Variants in DOCK1 observed in about 807,000 individuals in gnomAD.
DOCK1 encodes the protein dedicator of cytokinesis protein 1.
In DOCK1, 138 loss-of-function variants were observed where a neutral mutation model predicts 262.7. The ratio of observed to expected loss-of-function variants is 0.53; its 90% CI spans 0.46 to 0.61. DOCK1 has a LOEUF of 0.61. Among genes scored for constraint, DOCK1 ranks in the 20% least tolerant of loss-of-function variants. The pLI, the probability that DOCK1 is intolerant of heterozygous loss-of-function variation, is 0.00. For synonymous variants in DOCK1, 866 were observed against 867.4 expected, an observed-to-expected ratio of 1.00 and a Z score of 0.03; for missense variants, 1,908 against 2,370.7, an observed-to-expected ratio of 0.80 and a Z score of 4.05.
intron 30 of DOCK1, among the ~76,000 whole-genome samples, chr10:127,339,733 G>GTGTGTGTGTGTGTGTGCA (rs71032552): frequency 0.037 from 3,993 of 108,702 alleles, 213 homozygotes; most frequent in East Asian, 0.068. Flanking sequence ...GTGTGTGTGT[G>GTGTGTGTGTGTGTGTGCA]TGCATGCTGT....
At chr10:127,130,273 T>A (rs1780111) in intron 27 of DOCK1, among the ~76,000 whole-genome samples, 124,335 of 151,364 alleles carry the variant, frequency 0.82, 51,741 homozygotes, top group East Asian at 0.94. Flanking sequence ...TTTAGTACAG[T>A]TGGGGTTTCA....
chr10:127,019,851 A>G (rs1196018653), intron 13 of DOCK1, among the ~76,000 whole-genome samples: 1 of 152,204 alleles, frequency 6.6e-6, no homozygotes, highest in African/African-American at 2.4e-5. Flanking sequence ...TCGCTCAGCT[A>G]ATGAGCCGTG....
rs543014925 is a variant in DOCK1 at position 127,211,926 on chromosome 10, G to A, written c.2848-36082G>A. Among the ~76,000 whole-genome samples the A allele has an allele frequency of 1.3e-4, 20 of 152,278 alleles. No individual in the cohort carries two copies. In the East Asian group the frequency reaches 3.1e-3, roughly 24 times the overall value. ...ATGTTCCGAAAGCTCTGCAGAGTGC[G>A]CCAATATTCCAGAGTTTCAAAGTAG... On this transcript the variant is annotated intron_variant, in intron 27 of 51. Coordinates refer to ENST00000623213, the MANE Select transcript of DOCK1 (RefSeq NM_001290223.2).
At chr10:127,251,552 C>T (rs1264595530) in intron 28 of DOCK1, among the ~76,000 whole-genome samples, 3 of 116,122 alleles carry the variant, frequency 2.6e-5, no homozygotes, top group Admixed American at 1.2e-4. Flanking sequence ...CCACAAGAGA[C>T]CCCAGAGTGT....
At chr10:127,349,118 C>T (rs1373306571) in intron 31 of DOCK1, among the ~76,000 whole-genome samples, 1 of 152,032 alleles carries the variant, frequency 6.6e-6, no homozygotes, top group Non-Finnish European at 1.5e-5. Flanking sequence ...ACCAGTCTTT[C>T]CCATGAAGTT....
At chr10:127,035,941 G>GC (rs1270133814) in intron 18 of DOCK1, among the ~76,000 whole-genome samples, 1 of 151,798 alleles carries the variant, frequency 6.6e-6, no homozygotes, top group Non-Finnish European at 1.5e-5. Context: ...GTTAGAGGCT[G>GC]CATTGAGCTG....
At chr10:127,364,552 G>A (rs1300776367) in intron 33 of DOCK1, among the ~76,000 whole-genome samples, 1 of 152,094 alleles carries the variant, frequency 6.6e-6, no homozygotes, top group Non-Finnish European at 1.5e-5. Flanking sequence ...TTTTAGTAGA[G>A]ACGGTGTTTC....
chr10:127,072,277 T>A (rs1427099939), intron 23 of DOCK1, among the ~76,000 whole-genome samples: 2 of 152,174 alleles, frequency 1.3e-5, no homozygotes, highest in Admixed American at 6.5e-5. Flanking sequence ...CATTCTCCTG[T>A]GTGCCAGGCA....
In DOCK1 at chr10:127,428,705, G is replaced by T. The variant is rs185243993; in HGVS notation, c.4914+2694G>T. 2.4e-3 allele frequency among the ~76,000 whole-genome samples: 332 copies of T among 138,628 alleles called. 2 individuals carry two copies. Among genetic ancestry groups the T allele is most frequent in the African/African-American group, 8.4e-3 (307 of 36,610 alleles). 90.9% of individuals were successfully genotyped at this position (138,628 alleles called of 152,430 possible). On this transcript the variant is annotated intron_variant, in intron 47 of 51. Transcript: ENST00000623213. Reference sequence around the variant, plus strand: ...ACCGTGTGGATTGTGGTGCTGTGTGGACTGTGTCATGTGGATTGTGGTGTC... The same window carrying T: ...ACCGTGTGGATTGTGGTGCTGTGTGTACTGTGTCATGTGGATTGTGGTGTC...
intron 18 of DOCK1, among the ~76,000 whole-genome samples, chr10:127,036,531 G>C (rs1204233789): frequency 6.6e-6 from 1 of 151,974 alleles, no homozygotes; most frequent in Admixed American, 6.6e-5. Context: ...TTCTGTAGCT[G>C]AAGTTGGTTC....
intron 27 of DOCK1, among the ~76,000 whole-genome samples, chr10:127,238,295 T>A (rs1180196964): frequency 2.0e-5 from 3 of 152,200 alleles, no homozygotes; most frequent in African/African-American, 7.2e-5. Context: ...ACTTAAGTGA[T>A]CCTGTGTGCT....
intron 31 of DOCK1, 81 bp from the exon 32 acceptor site, chr10:127,354,588 A>G: frequency 6.4e-7 from 1 of 1,553,250 alleles, no homozygotes; most frequent in Non-Finnish European, 8.8e-7. Flanking sequence ...GAAGGCTTTA[A>G]TTGCACTTAA....
At chr10:127,086,491 G>A (rs2047208048) in intron 23 of DOCK1, among the ~76,000 whole-genome samples, 1 of 152,130 alleles carries the variant, frequency 6.6e-6, no homozygotes, top group African/African-American at 2.4e-5. Flanking sequence ...GCATTTTCTT[G>A]CTGGCATGAA....
chr10:127,412,123 C>T (rs1245737091), intron 43 of DOCK1, among the ~76,000 whole-genome samples: 3 of 151,824 alleles, frequency 2.0e-5, no homozygotes, highest in Middle Eastern at 3.4e-3. Flanking sequence ...CCACTACGCC[C>T]GGCTAATTTT....
In DOCK1 at chr10:126,906,227, G is replaced by C. The variant is rs954580712; in HGVS notation, c.46+664G>C. Among the ~76,000 whole-genome samples, 5 of 152,208 alleles carry C rather than the reference G, an allele frequency of 3.3e-5. 1 individual carries two copies. In the South Asian group the frequency reaches 8.3e-4, roughly 25 times the overall value. On this transcript the variant is annotated intron_variant, in intron 1 of 51. Transcript: ENST00000623213. The stretch of plus-strand genomic sequence containing the variant: ...GAGCGGGGGCCTGTTTTTGCTCCGC[G>C]GCTCTTTGTCGCTTCCGAGGGGGGA...
chr10:126,987,701 T>A, intron 5 of DOCK1, 84 bp downstream of exon 5: 1 of 1,235,248 alleles, frequency 8.1e-7, no homozygotes, highest in Non-Finnish European at 1.1e-6. Context: ...ATGTTTTTTT[T>A]TCTCAGCGAA....
intron 23 of DOCK1, among the ~76,000 whole-genome samples, chr10:127,094,482 C>G (rs1302829075): frequency 6.6e-6 from 1 of 152,118 alleles, no homozygotes; most frequent in Non-Finnish European, 1.5e-5. Context: ...CTGTGAGTGT[C>G]TGTGTACCCT....
intron 9 of DOCK1, among the ~76,000 whole-genome samples, 199 bp from the exon 10 acceptor site, chr10:126,999,973 C>T (rs941271691): frequency 2.6e-5 from 4 of 152,192 alleles, no homozygotes; most frequent in Non-Finnish European, 4.4e-5. Flanking sequence ...CTGCCCCTAG[C>T]CCTTAAATGT....
chr10:126,971,162 T>A (rs2038080854), intron 2 of DOCK1, among the ~76,000 whole-genome samples: 2 of 151,902 alleles, frequency 1.3e-5, no homozygotes, highest in Non-Finnish European at 2.9e-5. Flanking sequence ...GTGACTCTCA[T>A]GCTTTAGCCT....
Sources: gnomAD v4.1 joint callset for allele counts (sites outside exome capture counted in the v4.1 genomes callset) on GRCh38, gnomAD v4.1.1 for gene constraint, MANE v1.5 for transcripts, NCBI Gene and HGNC (gene_info 2026-07-23, HGNC 2026-07-21) for gene names.